Variants in COL4A4 observed in about 807,000 individuals in gnomAD.
COL4A4 encodes the protein collagen type IV alpha 4 chain.
In COL4A4, 105 loss-of-function variants were observed where a neutral mutation model predicts 192.9. The observed-to-expected ratio is 0.54, with a 90% CI of 0.46 to 0.64. The LOEUF (loss-of-function observed/expected upper bound fraction) is 0.64, where lower values mean the gene tolerates loss of function less well. COL4A4 is among the 30% of genes least tolerant of loss of function. The pLI, the probability that COL4A4 is intolerant of heterozygous loss-of-function variation, is 0.00. For synonymous variants in COL4A4, 762 were observed against 769.9 expected (o/e 0.99, Z 0.17); for missense variants, 1,967 against 2,169.3 (o/e 0.91, Z 1.85).
the COL4A4 span, among the ~76,000 whole-genome samples, chr2:226,970,573 T>C: frequency 6.6e-6 from 1 of 152,182 alleles, no homozygotes; most frequent in Non-Finnish European, 1.5e-5. Context: ...ATTTCTCTTC[T>C]CAGGGGCTGC....
intron 4 of COL4A4, 131 bp from the exon 5 acceptor site, chr2:227,121,279 T>C: frequency 9.6e-7 from 1 of 1,044,148 alleles, no homozygotes; most frequent in Non-Finnish European, 1.4e-6. Flanking sequence ...TAGAAACAAA[T>C]GGCTGGAGAT....
chr2:227,032,053 T>A lies in COL4A4; in HGVS notation c.3709A>T (p.Ser1237Cys). The change falls in exon 40 of 48, where the codon AGT (serine) becomes TGT (cysteine). Residue 1237 changes from serine (S) to cysteine (C), a missense_variant and splice_region_variant. Transcript: ENST00000396625. Reference protein sequence around the residue: ...GKKGPPGPPGSSGPPGPAGAT... With the variant: ...GKKGPPGPPGCSGPPGPAGAT... ...CCTGCAGGACCAGGTGGTCCTGAAC[T>A]CCCTAAGAAGAGACATGTTCACATG... The A allele has an allele frequency of 6.2e-7, 1 of 1,613,904 alleles. No individual in the cohort carries two copies. The highest frequency in any genetic ancestry group is 8.5e-7 in the Non-Finnish European group (1 of 1,179,858).
At chr2:227,033,535 C>A (rs914133205) in intron 37 of COL4A4, 54 bp from the exon 38 acceptor site, 2 of 1,511,534 alleles carry the variant, frequency 1.3e-6, no homozygotes. Flanking sequence ...CCGGTACTCA[C>A]TCTAGCCACA....
intron 25 of COL4A4, among the ~76,000 whole-genome samples, chr2:227,070,150 A>G (rs1320727754): frequency 6.6e-6 from 1 of 152,212 alleles, no homozygotes; most frequent in Non-Finnish European, 1.5e-5. Flanking sequence ...AGAGAAATGC[A>G]AATCAAAACC....
intron 44 of COL4A4, among the ~76,000 whole-genome samples, chr2:227,015,313 C>G (rs1367533190): frequency 6.6e-6 from 1 of 152,172 alleles, no homozygotes; most frequent in Non-Finnish European, 1.5e-5. Context: ...AAAGTGGAAA[C>G]TCCTTAAATC....
chr2:226,977,780 T>A, the COL4A4 span, among the ~76,000 whole-genome samples: 1 of 152,256 alleles, frequency 6.6e-6, no homozygotes. Flanking sequence ...AGCTCATAAA[T>A]TCACACTGGG....
intron 37 of COL4A4, among the ~76,000 whole-genome samples, chr2:227,038,697 T>C (rs1416594696): frequency 6.6e-6 from 1 of 152,240 alleles, no homozygotes; most frequent in Non-Finnish European, 1.5e-5. Flanking sequence ...AAAATCCATA[T>C]GGCCTGTTCT....
chr2:227,007,029 A>G lies in COL4A4; in HGVS notation c.*296T>C. On this transcript the variant is annotated 3_prime_UTR_variant, in exon 48 of 48. Transcript: ENST00000396625. The stretch of plus-strand genomic sequence containing the variant: ...TGTAATTTGTAATCTGGCCTTTATC[A>G]TCTACTTGCCTTTCTGAGAATTAGC... 2.3e-6 allele frequency: 1 copy of G among 438,916 alleles called. No homozygotes were observed. Among genetic ancestry groups the G allele is most frequent in the East Asian group, 4.7e-5 (1 of 21,312 alleles). The allele number at this position is 438,916 out of a possible 1,614,324, so 27.2% of individuals were successfully genotyped here.
At chr2:227,120,017 T>C in intron 5 of COL4A4, 78 bp from the exon 6 acceptor site, 1 of 1,115,224 alleles carries the variant, frequency 9.0e-7, no homozygotes, top group Non-Finnish European at 1.3e-6. Flanking sequence ...TAGTAACAAT[T>C]AATTACTCAT....
At position 227,054,615 on chromosome 2, in the gene COL4A4, G is replaced by A. The variant is rs572872038; in HGVS notation, c.2839C>T (p.Arg947Trp). 7.9e-5 allele frequency: 127 copies of A among 1,614,096 alleles called. 1 individual carries two copies. In the South Asian group the frequency reaches 1.3e-3, roughly 16 times the overall value. The change falls in exon 31 of 48, where the codon CGG becomes TGG. Residue 947 changes from arginine to tryptophan, a missense_variant. Arg to Trp is a moderately radical substitution (Grantham distance 101, BLOSUM62 -3). Transcript: ENST00000396625. ...EKGMSGLPGD[R>W]GLRGAKGAIG... is the part of the protein sequence containing the mutation. ...TTACCTTTGGCCCCTCTCAGTCCCCGGTCTCCAGGAAGGCCAGACATGCCC... is the reference window on the plus strand; with the variant it reads ...TTACCTTTGGCCCCTCTCAGTCCCCAGTCTCCAGGAAGGCCAGACATGCCC...
At chr2:227,119,518 T>C (rs2061664582) in intron 6 of COL4A4, among the ~76,000 whole-genome samples, 1 of 148,618 alleles carries the variant, frequency 6.7e-6, no homozygotes, top group Non-Finnish European at 1.5e-5. Context: ...ATAGATTTTA[T>C]ATATGTAAAA....
intron 4 of COL4A4, among the ~76,000 whole-genome samples, chr2:227,136,137 T>C (rs947688486): frequency 2.6e-5 from 4 of 152,172 alleles, no homozygotes; most frequent in African/African-American, 7.2e-5. Context: ...CATGACCACC[T>C]TCAAGAAGTG....
At chr2:227,120,557 G>T (rs1024238444) in intron 5 of COL4A4, among the ~76,000 whole-genome samples, 3 of 151,998 alleles carry the variant, frequency 2.0e-5, no homozygotes, top group African/African-American at 7.3e-5. Flanking sequence ...CTCTGGAAAG[G>T]GGCCAAAAAT....
At position 227,079,923 on chromosome 2, in the gene COL4A4, A is replaced by G. The variant is rs376915281; in HGVS notation, c.1803+520T>C. Among the ~76,000 whole-genome samples the G allele has an allele frequency of 1.4e-4, 21 of 152,318 alleles. No homozygotes were observed. The East Asian group carries it at 4.0e-3, about 29-fold the overall frequency. ...TTAATTACCATTACCTACACATGGTATCCACCCAACGCATGTCTGAAAAAT... is the reference window on the plus strand; with the variant it reads ...TTAATTACCATTACCTACACATGGTGTCCACCCAACGCATGTCTGAAAAAT... On this transcript the variant is annotated intron_variant, in intron 24 of 47. Transcript: ENST00000396625.
chr2:227,062,692 G>T, intron 25 of COL4A4, 94 bp from the exon 26 acceptor site: 2 of 874,572 alleles, frequency 2.3e-6, no homozygotes, highest in Admixed American at 1.9e-5. Context: ...ATATTTTTCT[G>T]TATAGTATAT....
At chr2:227,041,842 A>AG (rs1559477918) in intron 37 of COL4A4, among the ~76,000 whole-genome samples, 11 of 62,754 alleles carry the variant, frequency 1.8e-4, no homozygotes, top group Admixed American at 8.6e-4. Context: ...GAAAGAAAGA[A>AG]AGAAAGAGAA....
rs1268249453 is a variant in COL4A4 at position 227,007,574 on chromosome 2, C to A, written c.4824G>T (p.Gly1608=). 6 of 1,612,464 alleles carry A rather than the reference C, an allele frequency of 3.7e-6. No homozygotes were observed. The highest frequency in any genetic ancestry group is 1.7e-5 in the Admixed American group (1 of 60,006). ...TAAGGGCCTGCCCTCCTCCTTGGTCCCCAGCTCCTGTGTGCTACCCAGAAA... is the reference window on the plus strand; with the variant it reads ...TAAGGGCCTGCCCTCCTCCTTGGTCACCAGCTCCTGTGTGCTACCCAGAAA... The part of the protein sequence containing the change: ...GYSFLMHTGA[G]DQGGGQALMS... Residue 1608 remains glycine (G), a synonymous_variant, in exon 48 of 48, where the codon GGG becomes GGT. Coordinates refer to ENST00000396625, the MANE Select transcript of COL4A4 (RefSeq NM_000092.5).
intron 4 of COL4A4, among the ~76,000 whole-genome samples, chr2:227,135,816 G>C (rs1398651203): frequency 2.0e-5 from 3 of 151,766 alleles, no homozygotes; most frequent in South Asian, 4.2e-4. Flanking sequence ...CTAATTTTTT[G>C]TATTTTTAGT....
At chr2:227,063,166 A>G (rs1048919216) in intron 25 of COL4A4, among the ~76,000 whole-genome samples, 9 of 152,332 alleles carry the variant, frequency 5.9e-5, no homozygotes, top group Admixed American at 5.9e-4. Flanking sequence ...TTCACAATCT[A>G]GTAGCATCAT....
Sources: allele counts gnomAD v4.1 joint callset (sites outside exome capture counted in the v4.1 genomes callset), GRCh38; gene constraint gnomAD v4.1.1; transcripts MANE v1.5; gene names NCBI Gene and HGNC (gene_info 2026-07-23, HGNC 2026-07-21).